The following RBM48 variants were observed in gnomAD, a reference collection of about 807,000 sequenced individuals.
RBM48 encodes RNA binding motif protein 48.
RBM48 carries 32 observed loss-of-function variants against 34.8 expected under a neutral mutation model. That is an observed-to-expected ratio of 0.92 (90% CI 0.69 to 1.23). RBM48 has a LOEUF of 1.23. RBM48 is among the 50% of genes most tolerant of loss of function. RBM48 has a pLI of 0.00. For synonymous variants in RBM48, 151 were observed against 156.2 expected (o/e 0.97, Z 0.25); for missense variants, 441 against 447.2 (o/e 0.99, Z 0.12).
At chr7:92,535,156 ACTTG>A in intron 4 of RBM48, 186 bp downstream of exon 4, 1 of 1,432,224 alleles carries the variant, frequency 7.0e-7, no homozygotes, top group Non-Finnish European at 9.1e-7. Flanking sequence ...AACTGTTAAT[ACTTG>A]CTTTAAACAA....
rs1294721931 is a variant in RBM48, at chr7:92,537,680, T to G, written c.*743T>G. 1.8e-4 allele frequency: 28 copies of G among 152,240 alleles called. No individual in the cohort carries two copies. The highest frequency in any genetic ancestry group is 1.8e-3 in the Admixed American group (28 of 15,286). 9.4% of individuals were successfully genotyped at this position (152,240 alleles called of 1,614,324 possible). ...AACCTTATATGCTTTAAATAACTTTTAAGAATTTGCTTGACCTGTGGCAAT... is the reference window on the plus strand; with the variant it reads ...AACCTTATATGCTTTAAATAACTTTGAAGAATTTGCTTGACCTGTGGCAAT... On this transcript the variant is annotated 3_prime_UTR_variant, in exon 5 of 5. Transcript: ENST00000265732.
At chr7:92,532,291 C>T in intron 2 of RBM48, 113 bp from the exon 3 acceptor site, 1 of 813,302 alleles carries the variant, frequency 1.2e-6, no homozygotes, top group Non-Finnish European at 2.0e-6. Flanking sequence ...GATATATATA[C>T]ACGTAGCAAA....
chr7:92,530,229 C>T (rs1254160497), intron 2 of RBM48, among the ~76,000 whole-genome samples: 1 of 150,728 alleles, frequency 6.6e-6, no homozygotes, highest in Non-Finnish European at 1.5e-5. Context: ...CGTGGTGACT[C>T]ACGCCTGTAA....
intron 3 of RBM48, 147 bp downstream of exon 3, chr7:92,532,696 A>G (rs1365330317): frequency 4.9e-6 from 3 of 610,270 alleles, no homozygotes; most frequent in East Asian, 2.9e-5. Context: ...TCTGCAGCAC[A>G]CTACATAATC....
In RBM48 at chr7:92,538,258, C is replaced by A. The variant is rs541103703; in HGVS notation, c.*1321C>A. On this transcript the variant is annotated 3_prime_UTR_variant, in exon 5 of 5. Transcript: ENST00000265732. Reference sequence around the variant, plus strand: ...AGTTCCTGGTCCTTTTAAGGGCTTACAACTGTAAGAGGGTCTGCGTGAAAG... The same window carrying A: ...AGTTCCTGGTCCTTTTAAGGGCTTAAAACTGTAAGAGGGTCTGCGTGAAAG... Among the ~76,000 whole-genome samples the A allele has an allele frequency of 9.9e-5, 15 of 152,264 alleles. No individual in the cohort carries two copies. Among genetic ancestry groups the A allele is most frequent in the East Asian group, 3.9e-4 (2 of 5,186 alleles).
Position 92,532,440 on chromosome 7 carries a change from C to A in RBM48, c.339C>A (p.Phe113Leu), listed in dbSNP as rs749173324. Reference protein sequence around the residue: ...AKRKMDEQSFFGGLLHVCYAP... With the variant: ...AKRKMDEQSFLGGLLHVCYAP... The stretch of plus-strand genomic sequence containing the variant: ...GAAAAATGGATGAACAGAGTTTCTT[C>A]GGTGGATTGCTTCATGTGTGCTATG... Residue 113 changes from phenylalanine to leucine, a missense_variant, in exon 3 of 5, where the codon TTC becomes TTA. Physicochemically the swap from Phe to Leu is conservative, Grantham distance 22 (BLOSUM62 0). Coordinates refer to ENST00000265732, the MANE Select transcript of RBM48 (RefSeq NM_032120.4). The A allele has an allele frequency of 6.8e-6, 11 of 1,610,392 alleles. No individual in the cohort carries two copies. The South Asian group carries it at 1.1e-4, about 16-fold the overall frequency.
chr7:92,535,136 A>G lies in RBM48; in HGVS notation c.1017+166A>G, dbSNP rs74979499. 1.8e-3 allele frequency: 2,590 copies of G among 1,446,990 alleles called. 38 individuals are homozygous for G. The African/African-American group carries it at 0.031, about 17-fold the overall frequency. The allele number at this position is 1,446,990 out of a possible 1,614,324, so 89.6% of individuals were successfully genotyped here. On this transcript the variant is annotated intron_variant, in intron 4 of 4. Transcript: ENST00000265732. ...AATAACTGAATTTGGCTAACATTTT[A>G]TTTGCTTTAAACTGTTAATACTTGC...
chr7:92,529,033 GTC>G (rs1793460577), intron 1 of RBM48, 109 bp downstream of exon 1: 1 of 826,130 alleles, frequency 1.2e-6, no homozygotes, highest in African/African-American at 1.7e-5. Flanking sequence ...CGTCAGATCT[GTC>G]TCTCGTTAGA....
At chr7:92,532,570 A>G in intron 3 of RBM48, 21 bp downstream of exon 3, 3 of 1,579,934 alleles carry the variant, frequency 1.9e-6, no homozygotes, top group Middle Eastern at 2.0e-4. Flanking sequence ...CATATTGCTA[A>G]ATGCCTCCTG....
At position 92,537,147 on chromosome 7, in the gene RBM48, A is replaced by T. The variant is rs879589316; in HGVS notation, c.*210A>T. The T allele has an allele frequency of 1.8e-5, 6 of 340,312 alleles. No homozygotes were observed. The highest frequency in any genetic ancestry group is 4.4e-5 in the African/African-American group (2 of 45,332). The allele number at this position is 340,312 out of a possible 1,614,324, so 21.1% of individuals were successfully genotyped here. On this transcript the variant is annotated 3_prime_UTR_variant, in exon 5 of 5. Transcript: ENST00000265732. ...GCCCAGGCTGGAATGCAGTGGCGTG[A>T]TCTCGGCTCACTGCAACCTCCACCT...
At chr7:92,532,665 T>A in intron 3 of RBM48, 116 bp downstream of exon 3, 1 of 712,980 alleles carries the variant, frequency 1.4e-6, no homozygotes, top group Non-Finnish European at 2.3e-6. Flanking sequence ...CAGTATTCAG[T>A]AACTGTGAAC....
At chr7:92,530,902 A>AGTATTTT (rs2116315535) in intron 2 of RBM48, among the ~76,000 whole-genome samples, 1 of 152,220 alleles carries the variant, frequency 6.6e-6, no homozygotes, top group African/African-American at 2.4e-5. Context: ...CAACATGGCC[A>AGTATTTT]GTATTTTGTA....
rs560783644 is a variant in RBM48 at position 92,539,698 on chromosome 7, CA to C, written c.*2769del. Among the ~76,000 whole-genome samples, 7 of 151,434 alleles carry C rather than the reference CA, an allele frequency of 4.6e-5. No homozygotes were observed. Among genetic ancestry groups the C allele is most frequent in the Admixed American group, 2.0e-4 (3 of 15,222 alleles). ...TGGGCAACAGACGGAGACTGTGTCT[CA>C]AAAAAAAGTGTTCTTGTATACCATG... On this transcript the variant is annotated 3_prime_UTR_variant, in exon 5 of 5. Transcript: ENST00000265732.
intron 2 of RBM48, 67 bp downstream of exon 2, chr7:92,529,733 C>A: frequency 1.0e-6 from 1 of 1,000,612 alleles, no homozygotes. Flanking sequence ...TCATTTTGGC[C>A]CCAAGTTTCC....
chr7:92,538,762 G>A lies in RBM48; in HGVS notation c.*1825G>A, dbSNP rs186944463. ...CAGGGGCTGTGGGGAGGGAAAATGA[G>A]GAGTTACGGTTTAATGGGCATAGAA... On this transcript the variant is annotated 3_prime_UTR_variant, in exon 5 of 5. Coordinates refer to ENST00000265732, the MANE Select transcript of RBM48 (RefSeq NM_032120.4). Among the ~76,000 whole-genome samples, 15 of 152,202 alleles carry A rather than the reference G, an allele frequency of 9.9e-5. No individual in the cohort carries two copies. The highest frequency in any genetic ancestry group is 3.1e-4 in the African/African-American group (13 of 41,508).
In RBM48 at chr7:92,534,520, G is replaced by C; in HGVS notation, c.567G>C (p.Gly189=). Residue 189 remains glycine, a synonymous_variant, in exon 4 of 5, where the codon GGG becomes GGC. Coordinates refer to ENST00000265732, the MANE Select transcript of RBM48 (RefSeq NM_032120.4). ...FCKAALNTSA[G]NSNPYLPYSC... ...AAGCTGCTTTGAACACTTCTGCAGG[G>C]AACTCAAATCCTTATCTTCCGTATT... 1 of 1,614,066 alleles carries C rather than the reference G, an allele frequency of 6.2e-7. No homozygotes were observed. The highest frequency in any genetic ancestry group is 1.1e-5 in the South Asian group (1 of 91,064).
rs1001231526 is a variant in RBM48 at position 92,534,341 on chromosome 7, G to A, written c.449-61G>A. ...TTTTTTAAATTATATGATTCTGAAT[G>A]ATGAAAACAATAAACCACTTCTGTT... On this transcript the variant is annotated intron_variant, in intron 3 of 4. Transcript: ENST00000265732. 2.0e-6 allele frequency: 3 copies of A among 1,519,634 alleles called. No homozygotes were observed. In the African/African-American group the frequency reaches 4.2e-5, roughly 21 times the overall value. 94.1% of individuals were successfully genotyped at this position (1,519,634 alleles called of 1,614,324 possible).
intron 4 of RBM48, chr7:92,535,995 G>A (rs1793702341): frequency 2.7e-6 from 1 of 371,910 alleles, no homozygotes; most frequent in African/African-American, 2.2e-5. Flanking sequence ...AAATTAGCCA[G>A]GCGTGGTGGT....
intron 3 of RBM48, among the ~76,000 whole-genome samples, chr7:92,532,809 G>A (rs1793609337): frequency 6.6e-6 from 1 of 152,188 alleles, no homozygotes. Flanking sequence ...AATGGGAGAG[G>A]AAAAGATGGA....
Sources: allele counts gnomAD v4.1 joint callset (sites outside exome capture counted in the v4.1 genomes callset), GRCh38; gene constraint gnomAD v4.1.1; transcripts MANE v1.5; gene names NCBI Gene and HGNC (gene_info 2026-07-23, HGNC 2026-07-21).